Variants in FANCA observed in about 807,000 individuals in gnomAD.
The protein encoded by FANCA is FA complementation group A.
FANCA carries 236 observed loss-of-function variants against 194.3 expected under a neutral mutation model. That is an observed-to-expected ratio of 1.21 (90% CI 1.09 to 1.35). FANCA has a LOEUF of 1.35. Ranked by LOEUF, FANCA falls within the 40% of genes most tolerant of loss-of-function variation. The pLI is 0.00. For synonymous variants in FANCA, 1,014 were observed against 715.8 expected (o/e 1.42, Z -6.65); for missense variants, 2,628 against 1,813.9 (o/e 1.45, Z -8.15).
rs71391243 is a variant in FANCA, at chr16:89,795,284, C to CAATAAATAAATAAATA, written c.1006+606_1006+621dup. On this transcript the variant is annotated intron_variant, in intron 11 of 42. Transcript: ENST00000389301. ...TGGCAACAGAGCAAGACTCCATCTCCAATAAATAAATAAATAAATAAATAA... is the reference window on the plus strand; with the variant it reads ...TGGCAACAGAGCAAGACTCCATCTCCAATAAATAAATAAATAAATAAATAAATAAATAAATAAATAA... Among the ~76,000 whole-genome samples the CAATAAATAAATAAATA allele has an allele frequency of 4.4e-4, 62 of 140,052 alleles. 1 individual carries two copies. Among genetic ancestry groups the CAATAAATAAATAAATA allele is most frequent in the Admixed American group, 1.2e-3 (16 of 13,658 alleles). The allele number at this position is 140,052 out of a possible 152,430, so 91.9% of individuals were successfully genotyped here. A position where few individuals can be genotyped will look rare whatever the true frequency, so the allele number is the denominator to read the frequency against.
At chr16:89,779,825 C>T (rs1169422582) in intron 18 of FANCA, 44 bp downstream of exon 18, 1 of 1,546,692 alleles carries the variant, frequency 6.5e-7, no homozygotes, top group Non-Finnish European at 8.9e-7. Flanking sequence ...GCGCGGTCTG[C>T]ACACACTGCA....
chr16:89,799,721 T>G (rs1408277761), intron 8 of FANCA, 83 bp from the exon 9 acceptor site: 7 of 1,221,792 alleles, frequency 5.7e-6, no homozygotes, highest in Non-Finnish European at 8.4e-6. Flanking sequence ...GAATTATTAC[T>G]TGTTACTCTA....
At position 89,746,882 on chromosome 16, in the gene FANCA, G is replaced by A. The variant is rs878853664; in HGVS notation, c.3357C>T (p.Phe1119=). 9.0e-6 allele frequency: 14 copies of A among 1,556,628 alleles called. No homozygotes were observed. The East Asian group carries it at 3.1e-4, about 35-fold the overall frequency. Residue 1119 remains phenylalanine, a synonymous_variant, in exon 34 of 43, where the codon TTC becomes TTT. Coordinates refer to ENST00000389301, the MANE Select transcript of FANCA (RefSeq NM_000135.4). ...GTGTCAGGGCACCTCCGTGGGAGCA[G>A]AAGTTTCTCTGCAAAAGAGTTCAAG... The part of the protein sequence containing the change: ...FHLVNSEMRN[F]CSHGGALTQD...
intron 6 of FANCA, among the ~76,000 whole-genome samples, chr16:89,806,511 T>C (rs2040653906): frequency 6.6e-6 from 1 of 151,962 alleles, no homozygotes; most frequent in Non-Finnish European, 1.5e-5. Flanking sequence ...CTGCAGTGTT[T>C]GTGTCCCTGG....
At chr16:89,797,491 T>G (rs1056304211) in intron 10 of FANCA, among the ~76,000 whole-genome samples, 3 of 152,222 alleles carry the variant, frequency 2.0e-5, no homozygotes, top group African/African-American at 7.2e-5. Context: ...TCAGCCCTGC[T>G]GTCCTTCCTC....
intron 7 of FANCA, among the ~76,000 whole-genome samples, chr16:89,805,014 C>T (rs748386441): frequency 2.6e-5 from 4 of 152,040 alleles, no homozygotes; most frequent in South Asian, 2.1e-4. Context: ...CCAGCCTGGG[C>T]GACAGAAGGA....
chr16:89,743,909 T>C (rs561794156), intron 36 of FANCA, among the ~76,000 whole-genome samples: 1 of 116,578 alleles, frequency 8.6e-6, no homozygotes, highest in Non-Finnish European at 1.8e-5. Flanking sequence ...TGCTTTCTCC[T>C]TTTTTGAGAT....
chr16:89,757,855 G>C (rs3785281), intron 30 of FANCA, among the ~76,000 whole-genome samples: 9,108 of 152,272 alleles, frequency 0.06, 424 homozygotes, highest in East Asian at 0.22. Flanking sequence ...CCAGGTGACA[G>C]AACAGAAAAA....
chr16:89,803,370 A>C, intron 7 of FANCA, 29 bp from the exon 8 acceptor site: 1 of 1,585,078 alleles, frequency 6.3e-7, no homozygotes, highest in Non-Finnish European at 8.7e-7. Flanking sequence ...AAAGTTATTT[A>C]TGGACATCAT....
Position 89,739,227 on chromosome 16 carries a change from A to G in FANCA, c.4073T>C (p.Val1358Ala), listed in dbSNP as rs1406434857. ...CTGGACCAGCTTCAAGTACATGTCC[A>G]CAGCAACATGCAGGAAGGCCTCTTC... Reference protein sequence around the residue: ...IREEAFLHVAVDMYLKLVQLF... With the variant: ...IREEAFLHVAADMYLKLVQLF... The change falls in exon 41 of 43, where the codon GTG (valine) becomes GCG (alanine). Residue 1358 changes from valine (V) to alanine (A), a missense_variant. Physicochemically the swap from Val to Ala is moderately conservative, Grantham distance 64. Transcript: ENST00000389301. 6.2e-7 allele frequency: 1 copy of G among 1,614,056 alleles called. No individual in the cohort carries two copies. Among genetic ancestry groups the G allele is most frequent in the Non-Finnish European group, 8.5e-7 (1 of 1,180,038 alleles).
intron 28 of FANCA, chr16:89,762,569 GAA>G (rs59550802): frequency 1.5e-3 from 253 of 173,442 alleles, no homozygotes; most frequent in South Asian, 3.5e-3. Flanking sequence ...CTATAAAAAG[GAA>G]AAAAAAAAAA....
At chr16:89,813,543 C>T (rs2040985563) in intron 3 of FANCA, among the ~76,000 whole-genome samples, 1 of 152,128 alleles carries the variant, frequency 6.6e-6, no homozygotes, top group South Asian at 2.1e-4. Flanking sequence ...AGCAATTCTC[C>T]TGCCTCAGCC....
At position 89,778,569 on chromosome 16, in the gene FANCA, A is replaced by C. The variant is rs933667094; in HGVS notation, c.1826+232T>G. 1.0e-5 allele frequency: 5 copies of C among 495,710 alleles called. No homozygotes were observed. The African/African-American group carries it at 1.0e-4, about 10-fold the overall frequency. The allele number at this position is 495,710 out of a possible 1,614,324, so 30.7% of individuals were successfully genotyped here. Reference sequence around the variant, plus strand: ...CTTGAACCTAAGATGTGGAGGTTGCAGTGAGCCAAGATCTCGCCTCTGCAC... The same window carrying C: ...CTTGAACCTAAGATGTGGAGGTTGCCGTGAGCCAAGATCTCGCCTCTGCAC... On this transcript the variant is annotated intron_variant, in intron 20 of 42. Transcript: ENST00000389301.
Position 89,814,536 on chromosome 16 carries a change from A to C in FANCA, c.267T>G (p.His89Gln). ...ATAACTTACCTATAAATGAACTAGA[A>C]TGATTAGCATAGGCCTCAGAACTGT... Reference protein sequence around the residue: ...DCDSSEAYANHSSSFIGSALQ... With the variant: ...DCDSSEAYANQSSSFIGSALQ... Residue 89 changes from histidine (H) to glutamine (Q), a missense_variant, in exon 3 of 43, where the codon CAT becomes CAG. Transcript: ENST00000389301. 6.2e-7 allele frequency: 1 copy of C among 1,612,734 alleles called. No homozygotes were observed. The highest frequency in any genetic ancestry group is 8.5e-7 in the Non-Finnish European group (1 of 1,178,744).
At chr16:89,791,757 G>T (rs995322532) in intron 13 of FANCA, 170 bp downstream of exon 13, 3 of 993,260 alleles carry the variant, frequency 3.0e-6, no homozygotes, top group Non-Finnish European at 4.6e-6. Flanking sequence ...AGCAGTCAGT[G>T]CTTATGGAAG....
intron 30 of FANCA, among the ~76,000 whole-genome samples, chr16:89,753,991 T>G (rs1464823214): frequency 2.0e-5 from 3 of 151,664 alleles, no homozygotes; most frequent in Non-Finnish European, 2.9e-5. Flanking sequence ...AAGGCGGAGG[T>G]TGCAGACAGC....
At position 89,738,057 on chromosome 16, in the gene FANCA, G is replaced by C; in HGVS notation, c.*544C>G. Reference sequence around the variant, plus strand: ...CCAAACACAAGGCTGAGACTGAGCTGGACTTTGCCTGTGACCAGTGTGGCC... The same window carrying C: ...CCAAACACAAGGCTGAGACTGAGCTCGACTTTGCCTGTGACCAGTGTGGCC... On this transcript the variant is annotated 3_prime_UTR_variant, in exon 43 of 43. Transcript: ENST00000389301. 6.2e-7 allele frequency: 1 copy of C among 1,614,132 alleles called. No homozygotes were observed. Among genetic ancestry groups the C allele is most frequent in the Non-Finnish European group, 8.5e-7 (1 of 1,180,042 alleles).
At chr16:89,803,205 T>A in intron 8 of FANCA, 54 bp downstream of exon 8, 1 of 1,523,044 alleles carries the variant, frequency 6.6e-7, no homozygotes, top group Non-Finnish European at 9.1e-7. Context: ...ATTTCAACAC[T>A]TGGAATAAGG....
Position 89,764,954 on chromosome 16 carries a change from C to G in FANCA, c.2714G>C (p.Arg905Thr). 6.2e-7 allele frequency: 1 copy of G among 1,614,216 alleles called. No individual in the cohort carries two copies. Among genetic ancestry groups the G allele is most frequent in the Non-Finnish European group, 8.5e-7 (1 of 1,180,028 alleles). The stretch of plus-strand genomic sequence containing the variant: ...GTGTGTCCAGAGAGAGAGGGCAGCT[C>G]TCTGCCAGTCTGCAGAAGGAAGGTG... ...PLHLPSADWQ[R>T]AALSLWTHRT... is the part of the protein sequence containing the mutation. The change falls in exon 28 of 43, where the codon AGA (arginine) becomes ACA (threonine). Residue 905 changes from arginine to threonine, a missense_variant. Coordinates refer to ENST00000389301, the MANE Select transcript of FANCA (RefSeq NM_000135.4).
Sources: allele counts gnomAD v4.1 joint callset (sites outside exome capture counted in the v4.1 genomes callset), GRCh38; gene constraint gnomAD v4.1.1; transcripts MANE v1.5; gene names NCBI Gene and HGNC (gene_info 2026-07-23, HGNC 2026-07-21).